The following THOC1 variants were observed in gnomAD, a reference collection of about 807,000 sequenced individuals.
THOC1 encodes the protein THO complex 1.
In THOC1, 29 loss-of-function variants were observed where a neutral mutation model predicts 97.3. The ratio of observed to expected loss-of-function variants is 0.30; its 90% CI spans 0.22 to 0.41. The LOEUF (loss-of-function observed/expected upper bound fraction) is 0.41, where lower values mean the gene tolerates loss of function less well. THOC1 is among the 10% of genes least tolerant of loss of function. The pLI is 1.00. For synonymous variants in THOC1, 255 were observed against 257.0 expected, an observed-to-expected ratio of 0.99 and a Z score of 0.07; for missense variants, 529 against 761.9, an observed-to-expected ratio of 0.69 and a Z score of 3.60.
chr18:221,787 T>G (rs1000378339), intron 17 of THOC1, among the ~76,000 whole-genome samples: 12 of 152,078 alleles, frequency 7.9e-5, no homozygotes, highest in African/African-American at 2.4e-4. Flanking sequence ...TTTTTGTATT[T>G]TTAGTAGAGA....
At chr18:224,668 G>A (rs191293589) in intron 15 of THOC1, among the ~76,000 whole-genome samples, 41 of 151,680 alleles carry the variant, frequency 2.7e-4, no homozygotes, top group Admixed American at 1.2e-3. Flanking sequence ...CAAATTACAC[G>A]GAGTAGATAT....
chr18:255,094 C>T (rs1365655457), intron 7 of THOC1, among the ~76,000 whole-genome samples: 6 of 152,178 alleles, frequency 3.9e-5, no homozygotes, highest in Non-Finnish European at 8.8e-5. Flanking sequence ...ACCGACCAAC[C>T]GTTCCCATGA....
chr18:252,649 C>T, intron 8 of THOC1, 37 bp from the exon 9 acceptor site: 3 of 1,530,746 alleles, frequency 2.0e-6, no homozygotes, highest in Non-Finnish European at 2.7e-6. Context: ...TGTCATGAAG[C>T]AGTCATCAGA....
intron 11 of THOC1, chr18:244,658 A>G (rs752736045): frequency 4.6e-5 from 7 of 152,156 alleles, no homozygotes; most frequent in Non-Finnish European, 8.8e-5. Flanking sequence ...TTATGGCATG[A>G]TGTAATGAAG....
At position 214,611 on chromosome 18, in the gene THOC1, GAA is replaced by G. The variant is rs752029619; in HGVS notation, c.*13_*14del. On this transcript the variant is annotated 3_prime_UTR_variant, in exon 21 of 21. Coordinates refer to ENST00000261600, the MANE Select transcript of THOC1 (RefSeq NM_005131.3). ...AAATCTATCACAGTTTTAATAAAAA[GAA>G]AAAAAAAAGAAGCTAACTATTTGTC... The G allele has an allele frequency of 7.6e-5, 108 of 1,422,496 alleles. No homozygotes were observed. Among genetic ancestry groups the G allele is most frequent in the Non-Finnish European group, 1.0e-4 (106 of 1,046,736 alleles). The allele number at this position is 1,422,496 out of a possible 1,614,324, so 88.1% of individuals were successfully genotyped here. A position where few individuals can be genotyped will look rare whatever the true frequency, so the allele number is the denominator to read the frequency against.
chr18:250,300 A>C (rs1401257413), intron 9 of THOC1, among the ~76,000 whole-genome samples: 1 of 152,180 alleles, frequency 6.6e-6, no homozygotes, highest in Non-Finnish European at 1.5e-5. Flanking sequence ...TCTATACTCC[A>C]TGTCACCACT....
At chr18:260,147 A>G in intron 5 of THOC1, 39 bp downstream of exon 5, 1 of 1,314,102 alleles carries the variant, frequency 7.6e-7, no homozygotes, top group Non-Finnish European at 1.0e-6. Context: ...GGATCTATAG[A>G]AAGATAAAGT....
In THOC1 at chr18:254,193, T is replaced by A. The variant is rs1349116635; in HGVS notation, c.603+80A>T. ...TCCCAAAGTGCTAGGATTACAAGTG[T>A]GAGCCACTGTGCCTGGACCCACTAT... On this transcript the variant is annotated intron_variant, in intron 8 of 20. Transcript: ENST00000261600. This position sits in a 1 kb window ranked among gnomAD's most constrained non-coding sequence, Gnocchi z 4.1. The A allele has an allele frequency of 1.3e-5, 13 of 977,448 alleles. No homozygotes were observed. The Admixed American group carries it at 2.6e-4, about 20-fold the overall frequency. The allele number at this position is 977,448 out of a possible 1,614,324, so 60.5% of individuals were successfully genotyped here. A position where few individuals can be genotyped will look rare whatever the true frequency, so the allele number is the denominator to read the frequency against.
chr18:219,540 A>T (rs934850711), intron 17 of THOC1, among the ~76,000 whole-genome samples: 2 of 152,240 alleles, frequency 1.3e-5, no homozygotes, highest in African/African-American at 4.8e-5. Context: ...ATGGCCCCAT[A>T]CTTTTAGTTA....
intron 9 of THOC1, among the ~76,000 whole-genome samples, chr18:248,836 C>T (rs554605963): frequency 4.6e-5 from 7 of 152,088 alleles, no homozygotes; most frequent in African/African-American, 7.2e-5. Flanking sequence ...CTGCAAGCTC[C>T]GCCTCCCGGG....
intron 11 of THOC1, among the ~76,000 whole-genome samples, chr18:232,339 C>T (rs1840540342): frequency 6.6e-6 from 1 of 152,104 alleles, no homozygotes; most frequent in African/African-American, 2.4e-5. Flanking sequence ...TTCAAGCAAT[C>T]CTCCCGTCTT....
At chr18:229,561 T>C (rs1456417330) in intron 11 of THOC1, among the ~76,000 whole-genome samples, 1 of 151,336 alleles carries the variant, frequency 6.6e-6, no homozygotes, top group Non-Finnish European at 1.5e-5. Flanking sequence ...GCATGCCCTG[T>C]AATTCCAGCT....
intron 11 of THOC1, chr18:244,234 T>G (rs1445368173): frequency 6.6e-6 from 1 of 152,186 alleles, no homozygotes; most frequent in Non-Finnish European, 1.5e-5. Flanking sequence ...TTTTAAATCA[T>G]TCATGACTTT....
At chr18:252,192 T>G (rs1912300048) in intron 9 of THOC1, among the ~76,000 whole-genome samples, 1 of 152,196 alleles carries the variant, frequency 6.6e-6, no homozygotes, top group Non-Finnish European at 1.5e-5. Context: ...AACTTGCCTA[T>G]TTCATTAAAA....
At chr18:256,661 C>T (rs997050345) in intron 7 of THOC1, among the ~76,000 whole-genome samples, 16 of 152,192 alleles carry the variant, frequency 1.1e-4, no homozygotes, top group Middle Eastern at 3.4e-3. Context: ...TGCAATGGTG[C>T]GATCTCGGCT....
chr18:231,469 T>C (rs1021389019), intron 11 of THOC1, among the ~76,000 whole-genome samples: 4 of 152,198 alleles, frequency 2.6e-5, no homozygotes, highest in Non-Finnish European at 4.4e-5. Flanking sequence ...CTAGAAAATA[T>C]TCAGAACATT....
rs1256748372 is a variant in THOC1, at chr18:242,775, T to G, written c.918+3549A>C. On this transcript the variant is annotated intron_variant, in intron 11 of 20. Coordinates refer to ENST00000261600, the MANE Select transcript of THOC1 (RefSeq NM_005131.3). The surrounding 1 kb of genome is among the most constrained non-coding windows in gnomAD (Gnocchi z 4.5). ...CCTTTCTCATGACTTACCAAATCTA[T>G]ATCAAAAGTTGAAAGTAACATCAGG... is the stretch of plus-strand genomic sequence containing the variant. Among the ~76,000 whole-genome samples, 1 of 152,182 alleles carries G rather than the reference T, an allele frequency of 6.6e-6. No individual in the cohort carries two copies. The highest frequency in any genetic ancestry group is 1.5e-5 in the Non-Finnish European group (1 of 68,016).
rs117170388 is a variant in THOC1 at position 241,653 on chromosome 18, A to G, written c.918+4671T>C. On this transcript the variant is annotated intron_variant, in intron 11 of 20. Transcript: ENST00000261600. ...GTAACCCTAAAGCCTATATCTAATT[A>G]GTGTTATTATACTCTTTTCTGTGAG... 1.1e-4 allele frequency among the ~76,000 whole-genome samples: 16 copies of G among 152,362 alleles called. No individual in the cohort carries two copies. The East Asian group carries it at 3.1e-3, about 29-fold the overall frequency.
chr18:238,561 A>G (rs1367544138), intron 11 of THOC1, among the ~76,000 whole-genome samples: 2 of 152,244 alleles, frequency 1.3e-5, no homozygotes, highest in African/African-American at 4.8e-5. Context: ...AGAGCATGTT[A>G]CTGCACTGAA....
Sources: gnomAD v4.1 joint callset for allele counts (sites outside exome capture counted in the v4.1 genomes callset) on GRCh38, gnomAD v4.1.1 for gene constraint, Gnocchi (gnomAD v3.1) non-coding constraint, MANE v1.5 for transcripts, NCBI Gene and HGNC (gene_info 2026-07-23, HGNC 2026-07-21) for gene names.